The following SLCO5A1 variants were observed in gnomAD, a reference collection of about 807,000 sequenced individuals.
SLCO5A1 encodes the protein organic anion transporter polypeptide-related protein 4.
SLCO5A1 carries 39 observed loss-of-function variants against 65.1 expected under a neutral mutation model. That is an observed-to-expected ratio of 0.60 (90% CI 0.46 to 0.78). The LOEUF is 0.78. SLCO5A1 is among the 30% of genes least tolerant of loss of function. The probability of loss-of-function intolerance (pLI) is 0.00; values close to 1 mark genes in which losing one functional copy is unlikely to be tolerated. For synonymous variants in SLCO5A1, 438 were observed against 415.7 expected (o/e 1.05, Z -0.65); for missense variants, 1,029 against 1,069.4 (o/e 0.96, Z 0.53).
Position 69,669,358 on chromosome 8 carries a change from C to G in SLCO5A1, c.*3511G>C, listed in dbSNP as rs890194795. ...CTTTAATCTCACGATTTTATAGTCA[C>G]CTTGCCTTTGTTAACCAAAAGCTAT... On this transcript the variant is annotated 3_prime_UTR_variant, in exon 10 of 10. Coordinates refer to ENST00000260126, the MANE Select transcript of SLCO5A1 (RefSeq NM_030958.3). 1 of 151,998 alleles carries G rather than the reference C, an allele frequency of 6.6e-6. No individual in the cohort carries two copies. Among genetic ancestry groups the G allele is most frequent in the South Asian group, 2.1e-4 (1 of 4,826 alleles). The allele number at this position is 151,998 out of a possible 1,614,324, so 9.4% of individuals were successfully genotyped here.
chr8:69,798,370 T>A (rs1438746834), intron 2 of SLCO5A1, among the ~76,000 whole-genome samples: 1 of 152,148 alleles, frequency 6.6e-6, no homozygotes, highest in Non-Finnish European at 1.5e-5. Flanking sequence ...AATTGGCTCA[T>A]GGTTCTACAG....
Position 69,794,986 on chromosome 8 carries a change from A to G in SLCO5A1, c.908-33111T>C, listed in dbSNP as rs115994205. 9.2e-3 allele frequency among the ~76,000 whole-genome samples: 1,408 copies of G among 152,304 alleles called. 20 individuals carry two copies. The highest frequency in any genetic ancestry group is 0.032 in the African/African-American group (1,345 of 41,548). ...ACCAAATCTCACAATAACTCACTCA[A>G]TCACTATCATGAGAACAGCACTGAG... On this transcript the variant is annotated intron_variant, in intron 2 of 9. Transcript: ENST00000260126.
chr8:69,822,143 GAAAATAA>G (rs554135415), intron 2 of SLCO5A1, among the ~76,000 whole-genome samples: 60 of 152,066 alleles, frequency 3.9e-4, no homozygotes, highest in African/African-American at 1.4e-3. Flanking sequence ...AAATAAAATA[GAAAATAA>G]AAAATAAAAA....
chr8:69,687,277 C>T (rs1350987320), intron 6 of SLCO5A1, among the ~76,000 whole-genome samples: 2 of 152,142 alleles, frequency 1.3e-5, no homozygotes, highest in Non-Finnish European at 2.9e-5. Context: ...CTATTAAATA[C>T]CCCTCCTGAC....
chr8:69,748,781 T>C (rs181136684), intron 4 of SLCO5A1, among the ~76,000 whole-genome samples: 1 of 152,232 alleles, frequency 6.6e-6, no homozygotes, highest in Admixed American at 6.5e-5. Flanking sequence ...ATCTGGGAAA[T>C]TGTTAAAAAA....
At chr8:69,765,207 CAT>C (rs756895194) in intron 2 of SLCO5A1, among the ~76,000 whole-genome samples, 33 of 151,452 alleles carry the variant, frequency 2.2e-4, no homozygotes, top group African/African-American at 6.3e-4. Flanking sequence ...TATACAGATA[CAT>C]ATATATATAC....
At chr8:69,679,325 C>T (rs1370683231) in intron 8 of SLCO5A1, 53 bp downstream of exon 8, 15 of 1,605,332 alleles carry the variant, frequency 9.3e-6, no homozygotes, top group Admixed American at 1.7e-5. Flanking sequence ...GGATTATGTG[C>T]TCTGGAAATT....
At chr8:69,715,665 G>C (rs993031552) in intron 5 of SLCO5A1, among the ~76,000 whole-genome samples, 1 of 152,150 alleles carries the variant, frequency 6.6e-6, no homozygotes, top group South Asian at 2.1e-4. Context: ...ACCTATTAGA[G>C]TGCCCTTGCC....
At chr8:69,807,490 G>A (rs920454759) in intron 2 of SLCO5A1, among the ~76,000 whole-genome samples, 1 of 151,962 alleles carries the variant, frequency 6.6e-6, no homozygotes, top group Admixed American at 6.6e-5. Context: ...GTTAACCAGC[G>A]CCTCCCTTTT....
intron 3 of SLCO5A1, 143 bp downstream of exon 3, chr8:69,761,600 T>C: frequency 2.5e-6 from 2 of 792,106 alleles, no homozygotes; most frequent in South Asian, 3.5e-5. Context: ...TTTGGGATGT[T>C]ATTAACCTGC....
chr8:69,820,108 A>G (rs7820423), intron 2 of SLCO5A1, among the ~76,000 whole-genome samples: 51,677 of 152,156 alleles, frequency 0.34, 8,917 homozygotes, highest in African/African-American at 0.39. Flanking sequence ...TATAGCCTGG[A>G]AAATCTAAAA....
At chr8:69,767,919 A>AAAAAG (rs1818144263) in intron 2 of SLCO5A1, among the ~76,000 whole-genome samples, 1 of 90,688 alleles carries the variant, frequency 1.1e-5, no homozygotes. Flanking sequence ...AAACAAAAAG[A>AAAAAG]AAAAGAAAAA....
At chr8:69,729,857 G>A (rs1816256843) in intron 5 of SLCO5A1, among the ~76,000 whole-genome samples, 1 of 152,138 alleles carries the variant, frequency 6.6e-6, no homozygotes, top group South Asian at 2.1e-4. Context: ...TTATATGACT[G>A]TATTACCTCT....
intron 2 of SLCO5A1, among the ~76,000 whole-genome samples, chr8:69,796,419 GC>G (rs1819503793): frequency 6.6e-6 from 1 of 151,922 alleles, no homozygotes; most frequent in Non-Finnish European, 1.5e-5. Context: ...TTCAAGACCA[GC>G]CTGAGCAACA....
intron 2 of SLCO5A1, among the ~76,000 whole-genome samples, chr8:69,824,972 T>C (rs1820807768): frequency 6.6e-6 from 1 of 152,216 alleles, no homozygotes; most frequent in African/African-American, 2.4e-5. Flanking sequence ...GCTGGTTCAA[T>C]ATACGCAAAT....
intron 2 of SLCO5A1, among the ~76,000 whole-genome samples, chr8:69,801,558 CT>C (rs372059016): frequency 4.6e-5 from 7 of 151,120 alleles, no homozygotes; most frequent in Admixed American, 6.6e-5. Flanking sequence ...TCCATTGCTT[CT>C]TTTTTTTTAA....
At chr8:69,814,018 T>C (rs1259137371) in intron 2 of SLCO5A1, among the ~76,000 whole-genome samples, 1 of 152,158 alleles carries the variant, frequency 6.6e-6, no homozygotes, top group Non-Finnish European at 1.5e-5. Context: ...TACTACATAG[T>C]TGTTCTGAGG....
intron 6 of SLCO5A1, among the ~76,000 whole-genome samples, chr8:69,683,264 G>A (rs1813859349): frequency 6.6e-6 from 1 of 152,116 alleles, no homozygotes; most frequent in South Asian, 2.1e-4. Flanking sequence ...CACCAGTTTT[G>A]TGTATCACTG....
intron 5 of SLCO5A1, among the ~76,000 whole-genome samples, chr8:69,729,164 G>T (rs986784766): frequency 2.0e-5 from 3 of 152,172 alleles, no homozygotes; most frequent in African/African-American, 7.2e-5. Flanking sequence ...TGATAACTGC[G>T]CCCGGTGCAG....
Sources: allele counts gnomAD v4.1 joint callset (sites outside exome capture counted in the v4.1 genomes callset), GRCh38; gene constraint gnomAD v4.1.1; transcripts MANE v1.5; gene names NCBI Gene and HGNC (gene_info 2026-07-23, HGNC 2026-07-21).